HDDC2: variants seen among roughly 807,000 people sequenced by gnomAD.
HDDC2 encodes HD domain containing 2.
HDDC2 carries 25 observed loss-of-function variants against 25.5 expected under a neutral mutation model. The observed-to-expected ratio is 0.98, with a 90% CI of 0.72 to 1.37. The LOEUF (loss-of-function observed/expected upper bound fraction) is 1.37, where lower values mean the gene tolerates loss of function less well. Among genes scored for constraint, HDDC2 ranks in the 40% most tolerant of loss-of-function variants. The probability of loss-of-function intolerance (pLI) is 0.00; values close to 1 mark genes in which losing one functional copy is unlikely to be tolerated. For missense variants in HDDC2, 264 were observed against 253.1 expected, an observed-to-expected ratio of 1.04 and a Z score of -0.29; for synonymous variants, 106 against 89.7, an observed-to-expected ratio of 1.18 and a Z score of -1.03.
chr6:125,293,764 A>C (rs919368422), intron 3 of HDDC2, among the ~76,000 whole-genome samples: 3 of 152,162 alleles, frequency 2.0e-5, no homozygotes, highest in Non-Finnish European at 2.9e-5. Context: ...GCTGGGCTGG[A>C]CTATCTGTGG....
chr6:125,301,331 A>T (rs1027267933), intron 1 of HDDC2, among the ~76,000 whole-genome samples: 8 of 152,082 alleles, frequency 5.3e-5, no homozygotes, highest in Non-Finnish European at 1.0e-4. Context: ...GGCCGGGAGA[A>T]AAGTCTTGTT....
intron 4 of HDDC2, among the ~76,000 whole-genome samples, chr6:125,288,595 A>G (rs1418458338): frequency 6.6e-6 from 1 of 152,142 alleles, no homozygotes; most frequent in Non-Finnish European, 1.5e-5. Context: ...ACAAAGGGCT[A>G]ATATCCAGAA....
rs531527459 is a variant in HDDC2, at chr6:125,285,353, T to C, written c.378+7488A>G. 2.2e-3 allele frequency among the ~76,000 whole-genome samples: 333 copies of C among 151,166 alleles called. 1 individual carries two copies. Among genetic ancestry groups the C allele is most frequent in the Middle Eastern group, 6.8e-3 (2 of 294 alleles). The stretch of plus-strand genomic sequence containing the variant: ...AATGATATAAGACATAGAAGAACAA[T>C]ATAAGAACAGTGAAATGTAAGATAA... On this transcript the variant is annotated intron_variant, in intron 4 of 5. Coordinates refer to ENST00000398153, the MANE Select transcript of HDDC2 (RefSeq NM_016063.3).
chr6:125,292,886 C>T lies in HDDC2; in HGVS notation c.333G>A (p.Gln111=), dbSNP rs1204253380. ...REEEAMKQIT[Q]LLPEDLRKEL... ...CCTTTCTGAGGTCCTCTGGTAGGAG[C>T]TGGGTTATCTGCTTCATAGCTTCCT... Residue 111 remains glutamine (Q), a synonymous_variant, in exon 4 of 6, where the codon CAG becomes CAA. Coordinates refer to ENST00000398153, the MANE Select transcript of HDDC2 (RefSeq NM_016063.3). 2 of 1,612,912 alleles carry T rather than the reference C, an allele frequency of 1.2e-6. No individual in the cohort carries two copies. The highest frequency in any genetic ancestry group is 2.2e-5 in the South Asian group (2 of 91,048).
At chr6:125,293,615 T>C (rs1221611512) in intron 3 of HDDC2, among the ~76,000 whole-genome samples, 1 of 152,156 alleles carries the variant, frequency 6.6e-6, no homozygotes, top group Non-Finnish European at 1.5e-5. Flanking sequence ...AGAGGCTGCC[T>C]TAGACAGTAC....
rs1469971854 is a variant in HDDC2 at position 125,292,895 on chromosome 6, C to G, written c.324G>C (p.Gln108His). Reference sequence around the variant, plus strand: ...GGTCCTCTGGTAGGAGCTGGGTTATCTGCTTCATAGCTTCCTGAAATATTA... The same window carrying G: ...GGTCCTCTGGTAGGAGCTGGGTTATGTGCTTCATAGCTTCCTGAAATATTA... Reference protein sequence around the residue: ...KHRREEEAMKQITQLLPEDLR... With the variant: ...KHRREEEAMKHITQLLPEDLR... The change falls in exon 4 of 6, where the codon CAG (glutamine) becomes CAC (histidine). Residue 108 changes from glutamine (Q) to histidine (H), a missense_variant. By Grantham distance (24) the Gln-to-His change is conservative (BLOSUM62 0). Transcript: ENST00000398153. 5 of 1,612,376 alleles carry G rather than the reference C, an allele frequency of 3.1e-6. No individual in the cohort carries two copies. The African/African-American group carries it at 5.3e-5, about 17-fold the overall frequency.
chr6:125,296,303 T>C (rs143769104), intron 3 of HDDC2, among the ~76,000 whole-genome samples: 150 of 152,234 alleles, frequency 9.9e-4, no homozygotes, highest in African/African-American at 3.4e-3. Flanking sequence ...TGGTTATCTA[T>C]GGGGGTCCTG....
intron 1 of HDDC2, among the ~76,000 whole-genome samples, chr6:125,301,520 C>T (rs1194826503): frequency 1.3e-5 from 2 of 148,202 alleles, no homozygotes; most frequent in Non-Finnish European, 1.5e-5. Flanking sequence ...GTTCTGGGGT[C>T]GTGAGCCCCG....
At chr6:125,281,006 G>A (rs1012209282) in intron 4 of HDDC2, among the ~76,000 whole-genome samples, 2 of 152,236 alleles carry the variant, frequency 1.3e-5, no homozygotes, top group African/African-American at 2.4e-5. Context: ...TCTAGAGGAA[G>A]GAACAGGCAG....
chr6:125,276,608 T>C, intron 5 of HDDC2: 1 of 274,200 alleles, frequency 3.6e-6, no homozygotes, highest in Non-Finnish European at 6.8e-6. Context: ...AACCTGCAAT[T>C]AAGTAAGGAG....
At chr6:125,280,342 A>T (rs9491359) in intron 4 of HDDC2, among the ~76,000 whole-genome samples, 1 of 150,932 alleles carries the variant, frequency 6.6e-6, no homozygotes, top group African/African-American at 2.4e-5. Flanking sequence ...GCTAGCTACA[A>T]TTTTTTTTTT....
intron 3 of HDDC2, among the ~76,000 whole-genome samples, chr6:125,296,729 G>A (rs1340306347): frequency 6.6e-6 from 1 of 152,178 alleles, no homozygotes; most frequent in Non-Finnish European, 1.5e-5. Context: ...GAGGTTTAAT[G>A]AGGCTGGAAA....
At chr6:125,288,529 A>C (rs1212869073) in intron 4 of HDDC2, among the ~76,000 whole-genome samples, 1 of 152,228 alleles carries the variant, frequency 6.6e-6, no homozygotes, top group African/African-American at 2.4e-5. Flanking sequence ...TGGAGGACTA[A>C]ATAGGCAGAG....
Position 125,298,484 on chromosome 6 carries a change from A to G in HDDC2, c.309+230T>C, listed in dbSNP as rs549734553. On this transcript the variant is annotated intron_variant, in intron 3 of 5. Transcript: ENST00000398153. ...TACCAATCTAAATCTATTATATCCTAAACTGTGCAATCCCAGCTAGTTGCC... is the reference window on the plus strand; with the variant it reads ...TACCAATCTAAATCTATTATATCCTGAACTGTGCAATCCCAGCTAGTTGCC... 7.9e-5 allele frequency among the ~76,000 whole-genome samples: 12 copies of G among 152,294 alleles called. No individual in the cohort carries two copies. In the East Asian group the frequency reaches 1.5e-3, roughly 20 times the overall value.
At chr6:125,300,378 CA>C in intron 2 of HDDC2, 159 bp downstream of exon 2, 1 of 812,140 alleles carries the variant, frequency 1.2e-6, no homozygotes, top group Non-Finnish European at 1.8e-6. Context: ...ACAACTGAGG[CA>C]ACATAACCCA....
chr6:125,298,070 TC>T (rs768423653), intron 3 of HDDC2, among the ~76,000 whole-genome samples: 2 of 152,140 alleles, frequency 1.3e-5, no homozygotes, highest in Non-Finnish European at 2.9e-5. Flanking sequence ...TCATTTAAAT[TC>T]CAGCTATTTT....
chr6:125,294,258 G>T (rs1463718990), intron 3 of HDDC2, among the ~76,000 whole-genome samples: 1 of 152,052 alleles, frequency 6.6e-6, no homozygotes, highest in Non-Finnish European at 1.5e-5. Context: ...AAATAAAATT[G>T]GACATTTGTG....
Position 125,275,964 on chromosome 6 carries a change from G to A in HDDC2, c.*182C>T, listed in dbSNP as rs745335847. ...GTTCATCCATGGCACTTTCATGACC[G>A]CTTCCTGTTCTGTGGCTTCTTTTAG... On this transcript the variant is annotated 3_prime_UTR_variant, in exon 6 of 6. Coordinates refer to ENST00000398153, the MANE Select transcript of HDDC2 (RefSeq NM_016063.3). The A allele has an allele frequency of 9.3e-5, 54 of 579,302 alleles. No individual in the cohort carries two copies. Among genetic ancestry groups the A allele is most frequent in the Middle Eastern group, 4.4e-4 (1 of 2,282 alleles). The allele number at this position is 579,302 out of a possible 1,614,324, so 35.9% of individuals were successfully genotyped here.
intron 3 of HDDC2, among the ~76,000 whole-genome samples, chr6:125,294,725 C>T (rs1798682388): frequency 6.6e-6 from 1 of 152,116 alleles, no homozygotes; most frequent in Admixed American, 6.5e-5. Context: ...ACACCTAGAA[C>T]TGAATACAGT....
Sources: gnomAD v4.1 joint callset for allele counts (sites outside exome capture counted in the v4.1 genomes callset) on GRCh38, gnomAD v4.1.1 for gene constraint, MANE v1.5 for transcripts, NCBI Gene and HGNC (gene_info 2026-07-23, HGNC 2026-07-21) for gene names.